STX7: variants seen among roughly 807,000 people sequenced by gnomAD.
STX7 encodes syntaxin-7.
STX7 carries 34 observed loss-of-function variants against 39.6 expected under a neutral mutation model. The observed-to-expected ratio is 0.86, with a 90% CI of 0.65 to 1.14. The LOEUF is 1.14. STX7 is among the 50% of genes most tolerant of loss of function. The pLI is 0.00. For missense variants in STX7, 284 were observed against 310.4 expected (o/e 0.92, Z 0.64); for synonymous variants, 119 against 99.1 (o/e 1.20, Z -1.19).
chr6:132,470,327 C>T (rs770315612), intron 6 of STX7, among the ~76,000 whole-genome samples: 6 of 152,024 alleles, frequency 3.9e-5, no homozygotes, highest in Non-Finnish European at 5.9e-5. Flanking sequence ...ATTTAAACCT[C>T]ATATAAGGGA....
chr6:132,504,271 C>A (rs1010929339), intron 1 of STX7, among the ~76,000 whole-genome samples: 1 of 152,130 alleles, frequency 6.6e-6, no homozygotes, highest in Admixed American at 6.5e-5. Context: ...CCAACTACTG[C>A]GAAGCAAATG....
intron 2 of STX7, among the ~76,000 whole-genome samples, chr6:132,478,725 T>C (rs1337204150): frequency 6.6e-6 from 1 of 152,192 alleles, no homozygotes; most frequent in Non-Finnish European, 1.5e-5. Flanking sequence ...TGTGATGGAT[T>C]TACTACAACA....
chr6:132,452,206 A>AG lies in STX7; in HGVS notation c.*8551dup, dbSNP rs1774149661. On this transcript the variant is annotated 3_prime_UTR_variant, in exon 10 of 10. Coordinates refer to ENST00000367941, the MANE Select transcript of STX7 (RefSeq NM_003569.3). ...CATAAAATTCATAATAAAAACTTGC[A>AG]GAAAAAAAGGAATAAAAGATAACTT... The AG allele has an allele frequency of 6.6e-6, 1 of 152,178 alleles. No homozygotes were observed. The highest frequency in any genetic ancestry group is 2.4e-5 in the African/African-American group (1 of 41,458). The allele number at this position is 152,178 out of a possible 1,614,324, so 9.4% of individuals were successfully genotyped here. A position where few individuals can be genotyped will look rare whatever the true frequency, so the allele number is the denominator to read the frequency against.
In STX7 at chr6:132,513,102, G is replaced by C. The variant is rs1746047839; in HGVS notation, c.-154C>G. 1 of 152,384 alleles carries C rather than the reference G, an allele frequency of 6.6e-6. No individual in the cohort carries two copies. Among genetic ancestry groups the C allele is most frequent in the Non-Finnish European group, 1.5e-5 (1 of 68,154 alleles). The allele number at this position is 152,384 out of a possible 1,614,324, so 9.4% of individuals were successfully genotyped here. A position where few individuals can be genotyped will look rare whatever the true frequency, so the allele number is the denominator to read the frequency against. ...ATTCTCAGCTGATGGGCGGTGGCGTGGGGACGCCCAGTGCGCATGCCCGCA... is the reference window on the plus strand; with the variant it reads ...ATTCTCAGCTGATGGGCGGTGGCGTCGGGACGCCCAGTGCGCATGCCCGCA... On this transcript the variant is annotated 5_prime_UTR_variant, in exon 1 of 10. Transcript: ENST00000367941.
chr6:132,513,461 A>G (rs1214866330), upstream of STX7, among the ~76,000 whole-genome samples: 1 of 152,212 alleles, frequency 6.6e-6, no homozygotes, highest in Non-Finnish European at 1.5e-5. Context: ...CGAAAAATGC[A>G]AAGGCGAGTA....
chr6:132,469,425 G>A (rs926991940), intron 7 of STX7, among the ~76,000 whole-genome samples: 3 of 151,450 alleles, frequency 2.0e-5, no homozygotes, highest in Non-Finnish European at 4.4e-5. Flanking sequence ...TTAAAAAGCT[G>A]CAGTAGGAGG....
chr6:132,452,089 AAATC>A lies in STX7; in HGVS notation c.*8665_*8668del, dbSNP rs1426338985. 3.9e-5 allele frequency: 6 copies of A among 152,332 alleles called. No homozygotes were observed. The East Asian group carries it at 1.2e-3, about 29-fold the overall frequency. The allele number at this position is 152,332 out of a possible 1,614,324, so 9.4% of individuals were successfully genotyped here. A position where few individuals can be genotyped will look rare whatever the true frequency, so the allele number is the denominator to read the frequency against. On this transcript the variant is annotated 3_prime_UTR_variant, in exon 10 of 10. Transcript: ENST00000367941. ...GATGTAACAATGGCTCAACATTCAA[AAATC>A]AATCAATGTATCTACCACATGAATG...
At chr6:132,479,747 T>C (rs1313044088) in intron 2 of STX7, among the ~76,000 whole-genome samples, 1 of 152,210 alleles carries the variant, frequency 6.6e-6, no homozygotes. Flanking sequence ...AGCAATCTCA[T>C]GTTATACTCT....
intron 2 of STX7, among the ~76,000 whole-genome samples, chr6:132,488,591 C>T (rs1286036447): frequency 6.6e-6 from 1 of 152,076 alleles, no homozygotes. Context: ...TGTTCAGCTT[C>T]TTATTTACAT....
Position 132,454,061 on chromosome 6 carries a change from C to T in STX7, c.*6697G>A, listed in dbSNP as rs1774194934. On this transcript the variant is annotated 3_prime_UTR_variant, in exon 10 of 10. Coordinates refer to ENST00000367941, the MANE Select transcript of STX7 (RefSeq NM_003569.3). Reference sequence around the variant, plus strand: ...GTGAACAGTTAAACAAACTGTGGTACATCTATACTATGGGATTCTATTCAC... The same window carrying T: ...GTGAACAGTTAAACAAACTGTGGTATATCTATACTATGGGATTCTATTCAC... The T allele has an allele frequency of 6.6e-6, 1 of 151,968 alleles. No individual in the cohort carries two copies. Among genetic ancestry groups the T allele is most frequent in the Non-Finnish European group, 1.5e-5 (1 of 67,972 alleles). The allele number at this position is 151,968 out of a possible 1,614,324, so 9.4% of individuals were successfully genotyped here. A position where few individuals can be genotyped will look rare whatever the true frequency, so the allele number is the denominator to read the frequency against.
intron 8 of STX7, 109 bp from the exon 9 acceptor site, chr6:132,464,184 G>T: frequency 1.8e-6 from 2 of 1,081,826 alleles, no homozygotes; most frequent in South Asian, 1.3e-5. Context: ...ATTATTCAAA[G>T]GTTAATAGTA....
At position 132,457,872 on chromosome 6, in the gene STX7, T is replaced by G. The variant is rs1774283693; in HGVS notation, c.*2886A>C. 6.6e-6 allele frequency: 1 copy of G among 152,244 alleles called. No homozygotes were observed. Among genetic ancestry groups the G allele is most frequent in the Non-Finnish European group, 1.5e-5 (1 of 68,032 alleles). The allele number at this position is 152,244 out of a possible 1,614,324, so 9.4% of individuals were successfully genotyped here. On this transcript the variant is annotated 3_prime_UTR_variant, in exon 10 of 10. Transcript: ENST00000367941. ...ACTTTCAAAAAAAATAAATGCTGCA[T>G]AAGTTACCCTTGTGGACCTTAGCTA...
intron 2 of STX7, among the ~76,000 whole-genome samples, chr6:132,497,629 C>T (rs1562337490): frequency 6.6e-6 from 1 of 152,186 alleles, no homozygotes. Context: ...CTTTTAAAAA[C>T]ATGAGTTTCT....
At chr6:132,470,765 A>G (rs1774695725) in intron 5 of STX7, 139 bp from the exon 6 acceptor site, 1 of 428,184 alleles carries the variant, frequency 2.3e-6, no homozygotes, top group South Asian at 5.9e-5. Flanking sequence ...GTGTGTGTAG[A>G]GACAGAGAGA....
At chr6:132,511,255 C>T (rs188735159) in intron 1 of STX7, among the ~76,000 whole-genome samples, 206 of 152,352 alleles carry the variant, frequency 1.4e-3, no homozygotes, top group Non-Finnish European at 2.1e-3. Flanking sequence ...CTTTCAGATA[C>T]CGAAGGTCCC....
rs569643518 is a variant in STX7 at position 132,468,256 on chromosome 6, T to C, written c.610+147A>G. On this transcript the variant is annotated intron_variant, in intron 8 of 9. Coordinates refer to ENST00000367941, the MANE Select transcript of STX7 (RefSeq NM_003569.3). Reference sequence around the variant, plus strand: ...CTGTTTTAGATAATGCCAAGGGTGATGCTTACTGTGTTTTATAGACCATGC... The same window carrying C: ...CTGTTTTAGATAATGCCAAGGGTGACGCTTACTGTGTTTTATAGACCATGC... 4.6e-6 allele frequency: 3 copies of C among 655,212 alleles called. No individual in the cohort carries two copies. The Admixed American group carries it at 9.2e-5, about 20-fold the overall frequency. 40.6% of individuals were successfully genotyped at this position (655,212 alleles called of 1,614,324 possible). A position where few individuals can be genotyped will look rare whatever the true frequency, so the allele number is the denominator to read the frequency against.
intron 2 of STX7, among the ~76,000 whole-genome samples, chr6:132,498,039 G>A (rs1331717484): frequency 6.6e-6 from 1 of 152,166 alleles, no homozygotes; most frequent in African/African-American, 2.4e-5. Flanking sequence ...GGCATGCTAG[G>A]CCAGCAACAG....
At chr6:132,490,763 G>C (rs1775260225) in intron 2 of STX7, among the ~76,000 whole-genome samples, 1 of 152,126 alleles carries the variant, frequency 6.6e-6, no homozygotes. Context: ...GAGAAGGTGG[G>C]AAAAGGAGAC....
intron 2 of STX7, among the ~76,000 whole-genome samples, chr6:132,494,295 C>T (rs756720561): frequency 4.6e-5 from 7 of 151,720 alleles, no homozygotes; most frequent in Admixed American, 1.3e-4. Flanking sequence ...AAAAAATGAA[C>T]GAATAAAATT....
Sources: allele counts gnomAD v4.1 joint callset (sites outside exome capture counted in the v4.1 genomes callset), GRCh38; gene constraint gnomAD v4.1.1; transcripts MANE v1.5; gene names NCBI Gene and HGNC (gene_info 2026-07-23, HGNC 2026-07-21).